CHD1: variants seen among roughly 807,000 people sequenced by gnomAD.
CHD1 encodes the protein chromodomain helicase DNA binding protein 1.
CHD1 carries 36 observed loss-of-function variants against 224.2 expected under a neutral mutation model. The ratio of observed to expected loss-of-function variants is 0.16; its 90% CI spans 0.12 to 0.21. The LOEUF (loss-of-function observed/expected upper bound fraction) is 0.21. CHD1 is among the 10% of genes least tolerant of loss of function. The pLI, the probability that CHD1 is intolerant of heterozygous loss-of-function variation, is 1.00. For synonymous variants in CHD1, 668 were observed against 658.3 expected (o/e 1.01, Z -0.23); for missense variants, 1,378 against 1,994.8 (o/e 0.69, Z 5.89).
At chr5:98,927,748 TTC>T (rs1349285478) in intron 1 of CHD1, among the ~76,000 whole-genome samples, 2 of 152,036 alleles carry the variant, frequency 1.3e-5, no homozygotes, top group East Asian at 3.9e-4. Context: ...CCCCTTTTCG[TTC>T]TTTCCTTTTC....
In CHD1 at chr5:98,911,149, AT is replaced by A. The variant is rs1561540047; in HGVS notation, c.54-6052del. ...TAAAATGAAAAAAAAAAAAAAAAATATATATATATATATATATATATATATA... is the reference window on the plus strand; with the variant it reads ...TAAAATGAAAAAAAAAAAAAAAAATAATATATATATATATATATATATATA... On this transcript the variant is annotated intron_variant, in intron 2 of 35. Transcript: ENST00000614616. Among the ~76,000 whole-genome samples, 584 of 77,766 alleles carry A rather than the reference AT, an allele frequency of 7.5e-3. 4 individuals are homozygous for A. The highest frequency in any genetic ancestry group is 9.3e-3 in the Non-Finnish European group (371 of 39,864). 51.0% of individuals were successfully genotyped at this position (77,766 alleles called of 152,430 possible).
chr5:98,863,654 C>T (rs1748641480), intron 31 of CHD1, 68 bp from the exon 32 acceptor site: 1 of 1,026,248 alleles, frequency 9.7e-7, no homozygotes, highest in Non-Finnish European at 1.4e-6. Flanking sequence ...GGTCTACCTC[C>T]TTCAATGATA....
chr5:98,864,217 A>C (rs1748685801), intron 31 of CHD1, among the ~76,000 whole-genome samples: 1 of 152,180 alleles, frequency 6.6e-6, no homozygotes, highest in Non-Finnish European at 1.5e-5. Flanking sequence ...TTATGCCAAA[A>C]TCAGAATAAA....
At chr5:98,902,764 T>G in intron 5 of CHD1, 136 bp downstream of exon 5, 1 of 567,846 alleles carries the variant, frequency 1.8e-6, no homozygotes, top group Non-Finnish European at 3.1e-6. Flanking sequence ...TGTAATGGTG[T>G]AAATTAACTT....
At chr5:98,891,801 A>T (rs1276153950) in intron 15 of CHD1, among the ~76,000 whole-genome samples, 3 of 152,108 alleles carry the variant, frequency 2.0e-5, no homozygotes, top group African/African-American at 7.2e-5. Context: ...ACAAAGGGAG[A>T]CTCCGTCTCA....
At chr5:98,866,760 C>G (rs1159419953) in intron 31 of CHD1, among the ~76,000 whole-genome samples, 3 of 152,124 alleles carry the variant, frequency 2.0e-5, no homozygotes, top group African/African-American at 7.2e-5. Flanking sequence ...ATATATCAGA[C>G]TATAAGTGTT....
At position 98,901,626 on chromosome 5, in the gene CHD1, G is replaced by T. The variant is rs569274836; in HGVS notation, c.438-291C>A. On this transcript the variant is annotated intron_variant, in intron 5 of 35. Coordinates refer to ENST00000614616, the MANE Select transcript of CHD1 (RefSeq NM_001270.4). The stretch of plus-strand genomic sequence containing the variant: ...AAAATCTCATAAAATTATTCTACTT[G>T]CCCTCTCAAAAAAGAGATACTAATC... 2.6e-5 allele frequency among the ~76,000 whole-genome samples: 4 copies of T among 151,234 alleles called. 1 individual carries two copies. Among genetic ancestry groups the T allele is most frequent in the African/African-American group, 9.7e-5 (4 of 41,218 alleles).
chr5:98,921,780 T>C (rs112217594), intron 2 of CHD1, among the ~76,000 whole-genome samples: 244 of 152,282 alleles, frequency 1.6e-3, no homozygotes, highest in African/African-American at 5.3e-3. Context: ...CTTTGAAAGG[T>C]AACTCATACA....
rs115292645 is a variant in CHD1, at chr5:98,919,450, T to C, written c.53+6884A>G. Among the ~76,000 whole-genome samples the C allele has an allele frequency of 5.3e-3, 802 of 152,330 alleles. 7 individuals carry two copies. Among genetic ancestry groups the C allele is most frequent in the Middle Eastern group, 0.01 (3 of 294 alleles). On this transcript the variant is annotated intron_variant, in intron 2 of 35. Coordinates refer to ENST00000614616, the MANE Select transcript of CHD1 (RefSeq NM_001270.4). Reference sequence around the variant, plus strand: ...TGACCAACATCAGAAAACAGTGTTTTGACTAGAAACTTAAAGGCTAAATAT... The same window carrying C: ...TGACCAACATCAGAAAACAGTGTTTCGACTAGAAACTTAAAGGCTAAATAT...
chr5:98,910,405 T>C (rs1010213949), intron 2 of CHD1, among the ~76,000 whole-genome samples: 1 of 152,160 alleles, frequency 6.6e-6, no homozygotes, highest in East Asian at 1.9e-4. Flanking sequence ...TAAAATAATT[T>C]ATCTCTGTGT....
Position 98,859,878 on chromosome 5 carries a change from C to A in CHD1, c.4524+94G>T, listed in dbSNP as rs1748331457. 4 of 612,970 alleles carry A rather than the reference C, an allele frequency of 6.5e-6. No individual in the cohort carries two copies. The East Asian group carries it at 8.9e-5, about 14-fold the overall frequency. The allele number at this position is 612,970 out of a possible 1,614,324, so 38.0% of individuals were successfully genotyped here. A position where few individuals can be genotyped will look rare whatever the true frequency, so the allele number is the denominator to read the frequency against. On this transcript the variant is annotated intron_variant, in intron 33 of 35. Transcript: ENST00000614616. ...GGTGATTTTTTAAATTTATCTTATTCATTCTGTATTTATTAATCAAACTGC... is the reference window on the plus strand; with the variant it reads ...GGTGATTTTTTAAATTTATCTTATTAATTCTGTATTTATTAATCAAACTGC...
chr5:98,894,480 C>A, intron 13 of CHD1, 117 bp downstream of exon 13: 1 of 381,998 alleles, frequency 2.6e-6, no homozygotes, highest in East Asian at 4.2e-5. Flanking sequence ...AAAATAAGAC[C>A]ACAGGCTATA....
chr5:98,924,627 CA>C (rs1166732695), intron 2 of CHD1, among the ~76,000 whole-genome samples: 1 of 152,220 alleles, frequency 6.6e-6, no homozygotes, highest in East Asian at 1.9e-4. Context: ...CTTGCTTATC[CA>C]AACAGTATGT....
chr5:98,922,359 A>T (rs770259160), intron 2 of CHD1, among the ~76,000 whole-genome samples: 1 of 152,218 alleles, frequency 6.6e-6, no homozygotes, highest in Non-Finnish European at 1.5e-5. Flanking sequence ...CACATTTCTT[A>T]GTAACTAAAT....
intron 2 of CHD1, among the ~76,000 whole-genome samples, chr5:98,925,129 T>C (rs1753370825): frequency 6.6e-6 from 1 of 152,212 alleles, no homozygotes; most frequent in South Asian, 2.1e-4. Flanking sequence ...CTGTAATTAA[T>C]GTTTTTTTTA....
At chr5:98,905,208 T>G in intron 2 of CHD1, 110 bp from the exon 3 acceptor site, 28 of 1,294,188 alleles carry the variant, frequency 2.2e-5, no homozygotes, top group Non-Finnish European at 2.8e-5. Context: ...ACTTAATATT[T>G]CAACTATCTT....
Position 98,919,709 on chromosome 5 carries a change from C to G in CHD1, c.53+6625G>C, listed in dbSNP as rs146391610. 2.7e-3 allele frequency among the ~76,000 whole-genome samples: 417 copies of G among 152,174 alleles called. 8 individuals are homozygous for G. The highest frequency in any genetic ancestry group is 0.024 in the Admixed American group (364 of 15,282). The stretch of plus-strand genomic sequence containing the variant: ...AGCACAGGATTAGAGTTGGAGCCAT[C>G]GGTATGAACTCACGTTTATGTATGA... On this transcript the variant is annotated intron_variant, in intron 2 of 35. Coordinates refer to ENST00000614616, the MANE Select transcript of CHD1 (RefSeq NM_001270.4).
intron 18 of CHD1, chr5:98,883,805 C>T (rs1350169763): frequency 1.8e-5 from 3 of 167,376 alleles, no homozygotes; most frequent in East Asian, 1.8e-4. Flanking sequence ...TTTGCAGCAA[C>T]CTAGATGGGA....
At chr5:98,883,531 TATGGAAAACAGC>T (rs1031669212) in intron 18 of CHD1, among the ~76,000 whole-genome samples, 4 of 151,938 alleles carry the variant, frequency 2.6e-5, no homozygotes, top group African/African-American at 9.7e-5. Flanking sequence ...AAAAGAACTC[TATGGAAAACAGC>T]GTGGAAATTC....
Sources: gnomAD v4.1 joint callset for allele counts (sites outside exome capture counted in the v4.1 genomes callset) on GRCh38, gnomAD v4.1.1 for gene constraint, MANE v1.5 for transcripts, NCBI Gene and HGNC (gene_info 2026-07-23, HGNC 2026-07-21) for gene names.